Variants in PTPN13 observed in about 807,000 individuals in gnomAD.
PTPN13 encodes protein tyrosine phosphatase non-receptor type 13.
In PTPN13, 191 loss-of-function variants were observed where a neutral mutation model predicts 284.0. The ratio of observed to expected loss-of-function variants is 0.67; its 90% CI spans 0.60 to 0.76. The LOEUF is 0.76. PTPN13 is among the 30% of genes least tolerant of loss of function. The pLI is 0.00. For missense variants in PTPN13, 2,797 were observed against 2,939.9 expected (o/e 0.95, Z 1.12); for synonymous variants, 986 against 1,022.3 (o/e 0.96, Z 0.68).
chr4:86,705,132 A>G (rs775124923), intron 7 of PTPN13, among the ~76,000 whole-genome samples: 15 of 152,072 alleles, frequency 9.9e-5, no homozygotes, highest in South Asian at 2.1e-4. Flanking sequence ...TCAGGAGATC[A>G]AGACCATCCT....
intron 1 of PTPN13, among the ~76,000 whole-genome samples, chr4:86,613,631 C>A (rs1720189393): frequency 8.1e-6 from 1 of 122,896 alleles, no homozygotes; most frequent in Admixed American, 8.4e-5. Flanking sequence ...GAGACTCCGT[C>A]TCAAAAAAAA....
rs1737334633 is a variant in PTPN13, at chr4:86,751,101, A to C, written c.3143A>C (p.Asp1048Ala). 2 of 1,602,496 alleles carry C rather than the reference A, an allele frequency of 1.2e-6. No individual in the cohort carries two copies. Among genetic ancestry groups the C allele is most frequent in the African/African-American group, 1.3e-5 (1 of 74,614 alleles). ...KHESDSSSIE[D>A]PGQAYVLGMT... is the part of the protein sequence containing the mutation. ...GAATCAGACTCCTCATCCATTGAAG[A>C]CCCTGGGCAAGCATATGTTCTAGGT... Residue 1048 changes from aspartate to alanine, a missense_variant, in exon 19 of 48, where the codon GAC becomes GCC. Physicochemically the swap from Asp to Ala is moderately radical, Grantham distance 126. Transcript: ENST00000411767.
intron 1 of PTPN13, among the ~76,000 whole-genome samples, chr4:86,633,144 T>C (rs1212044385): frequency 6.6e-6 from 1 of 152,148 alleles, no homozygotes; most frequent in African/African-American, 2.4e-5. Flanking sequence ...ATTTTTAGAA[T>C]TTTTGTGCAA....
At chr4:86,802,870 A>G (rs1038791628) in intron 42 of PTPN13, among the ~76,000 whole-genome samples, 5 of 152,122 alleles carry the variant, frequency 3.3e-5, no homozygotes, top group African/African-American at 9.7e-5. Context: ...CCAGGAGTTC[A>G]GGACCAGCCT....
At position 86,614,398 on chromosome 4, in the gene PTPN13, A is replaced by T. The variant is rs182286810; in HGVS notation, c.-6+19609A>T. ...ATTGTATGGTTGATTTTACAAATTG[A>T]TAAGATACTATTCTTCAAAAAGGAT... On this transcript the variant is annotated intron_variant, in intron 1 of 47. Coordinates refer to ENST00000411767, the MANE Select transcript of PTPN13 (RefSeq NM_080683.3). Among the ~76,000 whole-genome samples the T allele has an allele frequency of 1.5e-4, 23 of 152,312 alleles. No homozygotes were observed. The East Asian group carries it at 4.2e-3, about 28-fold the overall frequency.
intron 38 of PTPN13, among the ~76,000 whole-genome samples, chr4:86,784,962 T>C (rs1741733074): frequency 6.6e-6 from 1 of 152,140 alleles, no homozygotes; most frequent in Admixed American, 6.5e-5. Context: ...AAATTATTAA[T>C]GCCTTGTGAA....
intron 1 of PTPN13, among the ~76,000 whole-genome samples, chr4:86,610,548 A>G (rs1473053675): frequency 6.6e-6 from 1 of 152,262 alleles, no homozygotes; most frequent in African/African-American, 2.4e-5. Context: ...TGAAAACTGT[A>G]GTGAACTAAA....
At chr4:86,701,846 A>T in intron 7 of PTPN13, 45 bp downstream of exon 7, 1 of 1,504,236 alleles carries the variant, frequency 6.6e-7, no homozygotes. Flanking sequence ...AAGTATTTTA[A>T]ATATTTTTTT....
chr4:86,803,979 A>C, intron 43 of PTPN13, 122 bp downstream of exon 43: 4 of 998,456 alleles, frequency 4.0e-6, no homozygotes, highest in Non-Finnish European at 4.4e-6. Context: ...TAAAAGCACC[A>C]CCTTATCATA....
intron 17 of PTPN13, among the ~76,000 whole-genome samples, chr4:86,747,804 C>A (rs1000011765): frequency 6.6e-6 from 1 of 152,134 alleles, no homozygotes; most frequent in Non-Finnish European, 1.5e-5. Context: ...TAACTGTCTG[C>A]CTGTTTATTT....
chr4:86,783,197 A>G (rs1165171145), intron 37 of PTPN13, among the ~76,000 whole-genome samples: 1 of 152,190 alleles, frequency 6.6e-6, no homozygotes, highest in Non-Finnish European at 1.5e-5. Context: ...TTGGTCTAGC[A>G]AGCCATGAAA....
rs1250175444 is a variant in PTPN13, at chr4:86,771,173, C to G, written c.4806C>G (p.Thr1602=). 14 of 1,606,642 alleles carry G rather than the reference C, an allele frequency of 8.7e-6. No homozygotes were observed. Among genetic ancestry groups the G allele is most frequent in the Non-Finnish European group, 1.0e-5 (12 of 1,176,144 alleles). ...VLPEIDTALL[T]PLQSPAQVLP... is the part of the protein sequence containing the mutation. ...CTCTTTAAATGTGTCCATTACAGAC[C>G]CCACTTCAGTCTCCAGCACAAGTAC... The change falls in exon 31 of 48, where the codon ACC becomes ACG. Residue 1602 remains threonine (T), a splice_region_variant and synonymous_variant. Transcript: ENST00000411767.
chr4:86,609,804 T>C (rs1765102979), intron 1 of PTPN13, among the ~76,000 whole-genome samples: 1 of 152,174 alleles, frequency 6.6e-6, no homozygotes, highest in East Asian at 1.9e-4. Context: ...GTTGAAAATT[T>C]TCTTTTAATT....
intron 2 of PTPN13, among the ~76,000 whole-genome samples, chr4:86,651,674 A>G (rs78486877): frequency 0.047 from 7,095 of 152,022 alleles, 223 homozygotes; most frequent in African/African-American, 0.061. Flanking sequence ...TTATTGGTCT[A>G]TTGTTATTTG....
chr4:86,778,073 T>C (rs1345171677), intron 35 of PTPN13, among the ~76,000 whole-genome samples: 3 of 152,180 alleles, frequency 2.0e-5, no homozygotes, highest in African/African-American at 7.2e-5. Context: ...GTAGTCACAG[T>C]TATTTTCTCC....
chr4:86,735,579 C>T lies in PTPN13; in HGVS notation c.2152-15C>T. On this transcript the variant is annotated splice_polypyrimidine_tract_variant and intron_variant, in intron 14 of 47. Coordinates refer to ENST00000411767, the MANE Select transcript of PTPN13 (RefSeq NM_080683.3). ...AAAGGCAAACAATTGCTTATGAAAACATTCTTTTATCTAGGTTCATGGTGT... is the reference window on the plus strand; with the variant it reads ...AAAGGCAAACAATTGCTTATGAAAATATTCTTTTATCTAGGTTCATGGTGT... 6.2e-7 allele frequency: 1 copy of T among 1,600,892 alleles called. No individual in the cohort carries two copies. Among genetic ancestry groups the T allele is most frequent in the African/African-American group, 1.4e-5 (1 of 74,034 alleles).
chr4:86,801,838 T>G (rs1311405035), intron 42 of PTPN13, among the ~76,000 whole-genome samples: 1 of 152,174 alleles, frequency 6.6e-6, no homozygotes, highest in Non-Finnish European at 1.5e-5. Context: ...ATCTGAAATA[T>G]GTTTGGTTTT....
chr4:86,716,814 A>T (rs1733077350), intron 8 of PTPN13, among the ~76,000 whole-genome samples, 189 bp downstream of exon 8: 1 of 152,236 alleles, frequency 6.6e-6, no homozygotes, highest in African/African-American at 2.4e-5. Flanking sequence ...TCAAATAACG[A>T]TGTAGTCCTT....
intron 19 of PTPN13, 31 bp from the exon 20 acceptor site, chr4:86,752,978 T>C: frequency 6.5e-7 from 1 of 1,528,968 alleles, no homozygotes; most frequent in South Asian, 1.2e-5. Context: ...GACCATCTTA[T>C]GAAATGTCTA....
Sources: gnomAD v4.1 joint callset for allele counts (sites outside exome capture counted in the v4.1 genomes callset) on GRCh38, gnomAD v4.1.1 for gene constraint, MANE v1.5 for transcripts, NCBI Gene and HGNC (gene_info 2026-07-23, HGNC 2026-07-21) for gene names.